Variants in KLHDC10 observed in about 807,000 individuals in gnomAD.
KLHDC10 encodes kelch domain containing 10.
Under a neutral mutation model 56.1 loss-of-function variants are expected in KLHDC10, and 24 were observed. That is an observed-to-expected ratio of 0.43 (90% CI 0.31 to 0.60). The LOEUF (loss-of-function observed/expected upper bound fraction) is 0.60, where lower values mean the gene tolerates loss of function less well. Ranked by LOEUF, KLHDC10 falls within the 20% of genes least tolerant of loss-of-function variation. KLHDC10 has a pLI of 0.11. For missense variants in KLHDC10, 349 were observed against 567.0 expected, an observed-to-expected ratio of 0.62 and a Z score of 3.91; for synonymous variants, 188 against 207.1, an observed-to-expected ratio of 0.91 and a Z score of 0.79.
chr7:130,075,520 CA>C (rs1381012503), intron 1 of KLHDC10, among the ~76,000 whole-genome samples: 21 of 152,214 alleles, frequency 1.4e-4, no homozygotes, highest in African/African-American at 4.1e-4. Flanking sequence ...TTTCCAGGTT[CA>C]GGGGGGACGG....
Position 130,070,707 on chromosome 7 carries a change from G to A in KLHDC10, c.64G>A (p.Gly22Ser), listed in dbSNP as rs1795393641. 1 of 1,297,542 alleles carries A rather than the reference G, an allele frequency of 7.7e-7. No homozygotes were observed. The highest frequency in any genetic ancestry group is 9.8e-7 in the Non-Finnish European group (1 of 1,018,922). 80.4% of individuals were successfully genotyped at this position (1,297,542 alleles called of 1,614,324 possible). The change falls in exon 1 of 10, where the codon GGC becomes AGC. Residue 22 changes from glycine to serine, a missense_variant. Physicochemically the swap from Gly to Ser is moderately conservative, Grantham distance 56. Around this residue, in one of 2 missense-constraint regions of KLHDC10, gnomAD observed 104 missense variants for 97.0 expected, o/e 1.07. Coordinates refer to ENST00000335420, the MANE Select transcript of KLHDC10 (RefSeq NM_014997.4). ...RRGGGAAGAG[G>S]GGSGAGGGSG... is the part of the protein sequence containing the mutation. ...GGGAGGAGGCGCCGCCGGCGCTGGT[G>A]GCGGAGGTAGCGGGGCCGGCGGGGG...
At chr7:130,122,507 A>C (rs1490798392) in intron 5 of KLHDC10, among the ~76,000 whole-genome samples, 1 of 152,214 alleles carries the variant, frequency 6.6e-6, no homozygotes, top group East Asian at 1.9e-4. Flanking sequence ...AACTATAACC[A>C]AATTTCATAT....
chr7:130,081,966 C>T (rs902468575), intron 1 of KLHDC10, among the ~76,000 whole-genome samples: 25 of 151,970 alleles, frequency 1.6e-4, no homozygotes, highest in Non-Finnish European at 2.9e-5. Flanking sequence ...CCTGTTGTCT[C>T]CCACCCCCTA....
intron 5 of KLHDC10, among the ~76,000 whole-genome samples, chr7:130,123,245 G>A (rs1242171635): frequency 6.6e-6 from 1 of 152,052 alleles, no homozygotes; most frequent in Non-Finnish European, 1.5e-5. Flanking sequence ...GAGGCAGGCG[G>A]ATCACGAGGT....
intron 1 of KLHDC10, among the ~76,000 whole-genome samples, chr7:130,091,760 C>T (rs531627088): frequency 5.3e-5 from 8 of 152,148 alleles, no homozygotes; most frequent in African/African-American, 1.7e-4. Flanking sequence ...CATATTTAGA[C>T]TTAAAGGTTT....
At chr7:130,079,007 A>G (rs995591235) in intron 1 of KLHDC10, among the ~76,000 whole-genome samples, 9 of 152,170 alleles carry the variant, frequency 5.9e-5, no homozygotes, top group African/African-American at 2.2e-4. Flanking sequence ...TTATCATGTT[A>G]AAGTATTCAG....
At chr7:130,108,924 T>C (rs1423186535) in intron 2 of KLHDC10, among the ~76,000 whole-genome samples, 1 of 152,122 alleles carries the variant, frequency 6.6e-6, no homozygotes, top group Non-Finnish European at 1.5e-5. Context: ...GCTCTCTCTC[T>C]CTTTTTTTGA....
At chr7:130,107,519 CAAT>C (rs1280718378) in intron 2 of KLHDC10, among the ~76,000 whole-genome samples, 1 of 151,656 alleles carries the variant, frequency 6.6e-6, no homozygotes, top group African/African-American at 2.4e-5. Flanking sequence ...AATAAAAAAA[CAAT>C]AAAACAATGA....
In KLHDC10 at chr7:130,125,865, A is replaced by G; in HGVS notation, c.865A>G (p.Ile289Val). ...GTATATGTTCTTTTTTTTCTCCAAG[A>G]TCCATGCATACAACCTTGAAACGAA... ...TSWTAYSLNK[I>V]HAYNLETNAW... Residue 289 changes from isoleucine (I) to valine (V), a missense_variant and splice_region_variant, in exon 7 of 10, where the codon ATC (isoleucine) becomes GTC (valine). By Grantham distance (29) the Ile-to-Val change is conservative (BLOSUM62 3). Around this residue, in one of 2 missense-constraint regions of KLHDC10, gnomAD observed 245 missense variants for 470.1 expected, o/e 0.52. Transcript: ENST00000335420. 6.3e-7 allele frequency: 1 copy of G among 1,592,240 alleles called. No individual in the cohort carries two copies. Among genetic ancestry groups the G allele is most frequent in the Non-Finnish European group, 8.5e-7 (1 of 1,173,374 alleles).
At chr7:130,080,348 G>A (rs1795586491) in intron 1 of KLHDC10, among the ~76,000 whole-genome samples, 1 of 152,094 alleles carries the variant, frequency 6.6e-6, no homozygotes, top group South Asian at 2.1e-4. Context: ...CTCTTTTTTA[G>A]GGGGTAGAAG....
At chr7:130,104,010 C>A (rs964177780) in intron 2 of KLHDC10, among the ~76,000 whole-genome samples, 5 of 152,006 alleles carry the variant, frequency 3.3e-5, no homozygotes, top group African/African-American at 9.7e-5. Context: ...ATCGCTTAAA[C>A]CCAGGAGGCG....
At chr7:130,125,411 C>T (rs1226157563) in intron 6 of KLHDC10, among the ~76,000 whole-genome samples, 1 of 151,960 alleles carries the variant, frequency 6.6e-6, no homozygotes, top group Non-Finnish European at 1.5e-5. Flanking sequence ...GGCGTGTTGG[C>T]GGGCACCTGT....
chr7:130,108,185 G>A (rs1222490626), intron 2 of KLHDC10, among the ~76,000 whole-genome samples: 3 of 151,916 alleles, frequency 2.0e-5, no homozygotes, highest in African/African-American at 7.3e-5. Context: ...CCGAAATCGC[G>A]CCACTGTACA....
chr7:130,115,315 G>A (rs1364675996), intron 2 of KLHDC10, among the ~76,000 whole-genome samples: 2 of 152,110 alleles, frequency 1.3e-5, no homozygotes, highest in African/African-American at 2.4e-5. Context: ...AGTTGGGCAA[G>A]GGTTTGTATA....
At chr7:130,125,783 C>A (rs1052544041) in intron 6 of KLHDC10, 82 bp from the exon 7 acceptor site, 2 of 1,097,892 alleles carry the variant, frequency 1.8e-6, no homozygotes, top group Non-Finnish European at 2.6e-6. Flanking sequence ...AAAACAAAGT[C>A]TATTTTTTAA....
rs146418636 is a variant in KLHDC10 at position 130,127,441 on chromosome 7, A to G, written c.969A>G (p.Gln323=). 2 of 1,611,266 alleles carry G rather than the reference A, an allele frequency of 1.2e-6. No homozygotes were observed. Among genetic ancestry groups the G allele is most frequent in the African/African-American group, 1.3e-5 (1 of 75,000 alleles). The change falls in exon 8 of 10, where the codon CAA becomes CAG. Residue 323 remains glutamine, a synonymous_variant. Transcript: ENST00000335420. Reference sequence around the variant, plus strand: ...CCCGAAGGTGTCACAGTTGTGTTCAAATAAAAAATGGTAAGGATTCTAAAT... The same window carrying G: ...CCCGAAGGTGTCACAGTTGTGTTCAGATAAAAAATGGTAAGGATTCTAAAT... ...PAARRCHSCV[Q]IKNDVFICGG... is the part of the protein sequence containing the mutation.
chr7:130,125,313 G>A (rs1321579907), intron 6 of KLHDC10, among the ~76,000 whole-genome samples: 1 of 151,972 alleles, frequency 6.6e-6, no homozygotes, highest in African/African-American at 2.4e-5. Context: ...AGGCCGAGGC[G>A]GGCGGATCAC....
intron 8 of KLHDC10, among the ~76,000 whole-genome samples, chr7:130,127,961 T>C (rs1337364818): frequency 6.6e-6 from 1 of 152,276 alleles, no homozygotes; most frequent in African/African-American, 2.4e-5. Context: ...TAACTAAATG[T>C]GATAAGTGAC....
chr7:130,087,989 G>C (rs907984733), intron 1 of KLHDC10, among the ~76,000 whole-genome samples: 4 of 151,874 alleles, frequency 2.6e-5, no homozygotes, highest in Admixed American at 6.6e-5. Flanking sequence ...TCGAACTCCT[G>C]ACCTCAAGTG....
Sources: gnomAD v4.1 joint callset for allele counts (sites outside exome capture counted in the v4.1 genomes callset) on GRCh38, gnomAD v4.1.1 for gene constraint, gnomAD v4.1.1 regional missense constraint, MANE v1.5 for transcripts, NCBI Gene and HGNC (gene_info 2026-07-23, HGNC 2026-07-21) for gene names.